GALNT13: variants seen among roughly 807,000 people sequenced by gnomAD.
GALNT13 encodes UDP-GalNAc:polypeptide N-acetylgalactosaminyltransferase 13.
In GALNT13, 28 loss-of-function variants were observed where a neutral mutation model predicts 64.2. The observed-to-expected ratio is 0.44, with a 90% CI of 0.32 to 0.60. The LOEUF is 0.60. GALNT13 is among the 20% of genes least tolerant of loss of function. The pLI, the probability that GALNT13 is intolerant of heterozygous loss-of-function variation, is 0.05. For missense variants in GALNT13, 577 were observed against 669.8 expected (o/e 0.86, Z 1.53); for synonymous variants, 214 against 224.6 (o/e 0.95, Z 0.42).
chr2:153,150,829 TATATCTC>T, the GALNT13 span, among the ~76,000 whole-genome samples: 1 of 152,134 alleles, frequency 6.6e-6, no homozygotes, highest in African/African-American at 2.4e-5. Context: ...TCCATTGGTT[TATATCTC>T]TGTTTTGGTA....
intron 9 of GALNT13, among the ~76,000 whole-genome samples, chr2:154,336,303 G>A (rs35902100): frequency 6.6e-6 from 1 of 152,030 alleles, no homozygotes; most frequent in Non-Finnish European, 1.5e-5. Flanking sequence ...AGTGGTCCTA[G>A]CCTAACCTAC....
intron 4 of GALNT13, among the ~76,000 whole-genome samples, chr2:154,180,987 G>T (rs1028234793): frequency 8.5e-5 from 13 of 152,116 alleles, no homozygotes; most frequent in African/African-American, 3.1e-4. Flanking sequence ...CACAGCCACC[G>T]GTGAGTGGTA....
chr2:153,685,988 C>T, the GALNT13 span, among the ~76,000 whole-genome samples: 6 of 151,806 alleles, frequency 4.0e-5, no homozygotes, highest in Non-Finnish European at 8.8e-5. Context: ...CTCTGTTCTG[C>T]TCCATTGGTC....
chr2:154,073,034 G>A lies in GALNT13; in HGVS notation c.143-67303G>A, dbSNP rs183273815. 8.5e-4 allele frequency among the ~76,000 whole-genome samples: 130 copies of A among 152,096 alleles called. 1 individual carries two copies. The highest frequency in any genetic ancestry group is 1.7e-3 in the Non-Finnish European group (115 of 67,942). On this transcript the variant is annotated intron_variant, in intron 3 of 12. Coordinates refer to ENST00000392825, the MANE Select transcript of GALNT13 (RefSeq NM_052917.4). ...AACTTTTTAAAAATAATAATAGTAT[G>A]ATGGTTTTGTCTTGTTCACTTTGTT...
At chr2:153,979,371 G>A (rs1462041571) in intron 3 of GALNT13, among the ~76,000 whole-genome samples, 1 of 152,086 alleles carries the variant, frequency 6.6e-6, no homozygotes, top group African/African-American at 2.4e-5. Flanking sequence ...CTTTTGAACA[G>A]ATCAATATCT....
the GALNT13 span, among the ~76,000 whole-genome samples, chr2:153,189,616 G>T: frequency 6.6e-6 from 1 of 152,020 alleles, no homozygotes; most frequent in African/African-American, 2.4e-5. Context: ...ATAAATACCT[G>T]CCAGTGAAAC....
chr2:154,174,658 T>C (rs1397715599), intron 4 of GALNT13, among the ~76,000 whole-genome samples: 1 of 152,106 alleles, frequency 6.6e-6, no homozygotes, highest in African/African-American at 2.4e-5. Flanking sequence ...ATAACCTTTA[T>C]TTCCTTTCTT....
chr2:154,180,683 C>A (rs1225436436), intron 4 of GALNT13, among the ~76,000 whole-genome samples: 1 of 152,018 alleles, frequency 6.6e-6, no homozygotes, highest in Non-Finnish European at 1.5e-5. Flanking sequence ...AAATTAAAGT[C>A]CCTATAGGGG....
the GALNT13 span, among the ~76,000 whole-genome samples, chr2:153,646,855 G>T: frequency 6.6e-6 from 1 of 152,064 alleles, no homozygotes; most frequent in African/African-American, 2.4e-5. Flanking sequence ...TCTTAATCCA[G>T]TCTATCATTG....
chr2:153,074,490 T>C, the GALNT13 span, among the ~76,000 whole-genome samples: 1 of 152,184 alleles, frequency 6.6e-6, no homozygotes, highest in Non-Finnish European at 1.5e-5. Context: ...AGTATACTTA[T>C]GCGAACCTAG....
At chr2:154,338,136 G>A (rs1695556992) in intron 9 of GALNT13, among the ~76,000 whole-genome samples, 1 of 152,012 alleles carries the variant, frequency 6.6e-6, no homozygotes, top group Non-Finnish European at 1.5e-5. Flanking sequence ...AATCCAATTT[G>A]CATGATCAAC....
chr2:154,035,131 C>G (rs1049882122), intron 3 of GALNT13, among the ~76,000 whole-genome samples: 1 of 152,008 alleles, frequency 6.6e-6, no homozygotes. Flanking sequence ...AAGTGTTTAT[C>G]AATGAATGAT....
intron 8 of GALNT13, among the ~76,000 whole-genome samples, chr2:154,271,363 T>G (rs1261456231): frequency 1.3e-5 from 2 of 151,994 alleles, no homozygotes; most frequent in African/African-American, 4.8e-5. Flanking sequence ...ACTAAAAATT[T>G]TGGAGAAGTT....
the GALNT13 span, among the ~76,000 whole-genome samples, chr2:153,422,360 A>G: frequency 6.6e-6 from 1 of 152,160 alleles, no homozygotes; most frequent in Admixed American, 6.6e-5. Context: ...TTTTAAATGG[A>G]AAATAACCAA....
At chr2:153,850,534 C>A in the GALNT13 span, among the ~76,000 whole-genome samples, 1 of 152,040 alleles carries the variant, frequency 6.6e-6, no homozygotes, top group Non-Finnish European at 1.5e-5. Flanking sequence ...TCAAAAATTA[C>A]CAAGAAAGAA....
At chr2:153,666,426 A>G in the GALNT13 span, among the ~76,000 whole-genome samples, 2 of 152,090 alleles carry the variant, frequency 1.3e-5, no homozygotes, top group Non-Finnish European at 2.9e-5. Context: ...ACCCAGTGCC[A>G]TTGCCCCAAG....
the GALNT13 span, among the ~76,000 whole-genome samples, chr2:153,303,673 G>A: frequency 2.6e-5 from 4 of 152,076 alleles, no homozygotes; most frequent in African/African-American, 7.2e-5. Context: ...TGAGAATAAT[G>A]TTAGCTGTGG....
At chr2:154,067,406 TA>T (rs1345226184) in intron 3 of GALNT13, among the ~76,000 whole-genome samples, 1 of 151,886 alleles carries the variant, frequency 6.6e-6, no homozygotes, top group Non-Finnish European at 1.5e-5. Flanking sequence ...ACTTCACCTA[TA>T]AAGACACATA....
intron 2 of GALNT13, among the ~76,000 whole-genome samples, chr2:153,943,574 A>C (rs534205029): frequency 1.3e-5 from 2 of 151,920 alleles, no homozygotes; most frequent in African/African-American, 4.8e-5. Flanking sequence ...AGCTTACTGC[A>C]ACCTCCACCT....
Sources: gnomAD v4.1 joint callset for allele counts (sites outside exome capture counted in the v4.1 genomes callset) on GRCh38, gnomAD v4.1.1 for gene constraint, MANE v1.5 for transcripts, NCBI Gene and HGNC (gene_info 2026-07-23, HGNC 2026-07-21) for gene names.